The following KRT85 variants were observed in gnomAD, a reference collection of about 807,000 sequenced individuals.
KRT85 encodes the protein keratin 85.
Under a neutral mutation model 53.7 loss-of-function variants are expected in KRT85, and 39 were observed. The observed-to-expected ratio is 0.73, with a 90% CI of 0.56 to 0.95. The LOEUF is 0.95. Among genes scored for constraint, KRT85 ranks in the 40% least tolerant of loss-of-function variants. KRT85 has a pLI of 0.00. For synonymous variants in KRT85, 291 were observed against 277.5 expected (o/e 1.05, Z -0.48); for missense variants, 668 against 686.0 (o/e 0.97, Z 0.29).
At chr12:52,362,780 C>T in intron 6 of KRT85, 74 bp downstream of exon 6, 1 of 1,610,914 alleles carries the variant, frequency 6.2e-7, no homozygotes, top group Non-Finnish European at 8.5e-7. Flanking sequence ...CTCATGGGCA[C>T]ACTGTGAAGC....
chr12:52,362,405 G>A lies in KRT85; in HGVS notation c.1144C>T (p.Arg382Cys), dbSNP rs149188746. 2.3e-5 allele frequency: 37 copies of A among 1,614,046 alleles called. No individual in the cohort carries two copies. The highest frequency in any genetic ancestry group is 2.2e-4 in the South Asian group (20 of 91,076). The part of the protein sequence containing the change: ...QQGEAALSDA[R>C]CKLAELEGAL... ...CCCTCCAGCTCAGCCAGCTTGCAGCGGGCATCGCTGAGGGCCGCCTCACCC... is the reference window on the plus strand; with the variant it reads ...CCCTCCAGCTCAGCCAGCTTGCAGCAGGCATCGCTGAGGGCCGCCTCACCC... The change falls in exon 7 of 9, where the codon CGC becomes TGC. Residue 382 changes from arginine to cysteine, a missense_variant. Transcript: ENST00000257901.
Position 52,365,108 on chromosome 12 carries a change from C to G in KRT85, c.483G>C (p.Gln161His). The G allele has an allele frequency of 6.2e-7, 1 of 1,614,236 alleles. No homozygotes were observed. The highest frequency in any genetic ancestry group is 8.5e-7 in the Non-Finnish European group (1 of 1,180,050). Residue 161 changes from glutamine to histidine, a missense_variant, in exon 2 of 9, where the codon CAG (glutamine) becomes CAC (histidine). Physicochemically the swap from Gln to His is conservative, Grantham distance 24. Transcript: ENST00000257901. Reference sequence around the variant, plus strand: ...GCTCCAGGTTGCTCTCGCAGCAGCGCTGGTTCTGGTAGAACTGCCACTTGG... The same window carrying G: ...GCTCCAGGTTGCTCTCGCAGCAGCGGTGGTTCTGGTAGAACTGCCACTTGG... Reference protein sequence around the residue: ...LETKWQFYQNQRCCESNLEPL... With the variant: ...LETKWQFYQNHRCCESNLEPL...
chr12:52,360,828 A>G lies in KRT85; in HGVS notation c.*25T>C. ...TGATGCAGGCAGGCAGGTGCTTGGC[A>G]GGAAGCCCTGGCTCCATGACTCTAC... is the stretch of plus-strand genomic sequence containing the variant. On this transcript the variant is annotated 3_prime_UTR_variant, in exon 9 of 9. Coordinates refer to ENST00000257901, the MANE Select transcript of KRT85 (RefSeq NM_002283.4). 6.2e-7 allele frequency: 1 copy of G among 1,610,646 alleles called. No homozygotes were observed. Among genetic ancestry groups the G allele is most frequent in the Non-Finnish European group, 8.5e-7 (1 of 1,178,610 alleles).
At position 52,360,991 on chromosome 12, in the gene KRT85, G is replaced by A; in HGVS notation, c.1386C>T (p.Thr462=). ...VSCGGLSYST[T]PGRQITSGPS... is the part of the protein sequence containing the mutation. ...GGCCAGAAGTGATCTGGCGCCCTGG[G>A]GTGGTGCTGTAGGAGAGGCCCCCAC... The change falls in exon 9 of 9, where the codon ACC becomes ACT. Residue 462 remains threonine, a synonymous_variant. Coordinates refer to ENST00000257901, the MANE Select transcript of KRT85 (RefSeq NM_002283.4). 2 of 1,613,690 alleles carry A rather than the reference G, an allele frequency of 1.2e-6. No homozygotes were observed. Among genetic ancestry groups the A allele is most frequent in the Non-Finnish European group, 1.7e-6 (2 of 1,179,898 alleles).
At chr12:52,363,682 G>A (rs1939229177) in intron 4 of KRT85, among the ~76,000 whole-genome samples, 1 of 152,200 alleles carries the variant, frequency 6.6e-6, no homozygotes. Flanking sequence ...ACCCAGCAGG[G>A]GAGCTGGGGT....
Position 52,364,161 on chromosome 12 carries a change from G to A in KRT85, c.693C>T (p.Asp231=), listed in dbSNP as rs759487722. 6.4e-5 allele frequency: 103 copies of A among 1,614,024 alleles called. No individual in the cohort carries two copies. Among genetic ancestry groups the A allele is most frequent in the Non-Finnish European group, 8.5e-5 (100 of 1,180,002 alleles). The change falls in exon 4 of 9, where the codon GAC becomes GAT. Residue 231 remains aspartate, a splice_region_variant and synonymous_variant. Transcript: ENST00000257901. ...AENEFVVLKK[D]VDCAYLRKSD... ...ATTTCCGCAGGTAGGCACAGTCCACGTCCTGGCCGTGGGACAAAGAGGAGG... is the reference window on the plus strand; with the variant it reads ...ATTTCCGCAGGTAGGCACAGTCCACATCCTGGCCGTGGGACAAAGAGGAGG...
intron 1 of KRT85, among the ~76,000 whole-genome samples, chr12:52,366,743 C>A (rs1196129612): frequency 6.6e-6 from 1 of 152,126 alleles, no homozygotes; most frequent in East Asian, 1.9e-4. Flanking sequence ...CACACACACA[C>A]ATGTACACAC....
At chr12:52,362,736 T>C (rs1939211303) in intron 6 of KRT85, 118 bp downstream of exon 6, 1 of 1,507,546 alleles carries the variant, frequency 6.6e-7, no homozygotes. Flanking sequence ...TGAAATATGA[T>C]AGAGCCCCTC....
In KRT85 at chr12:52,365,169, A is replaced by G; in HGVS notation, c.422T>C (p.Val141Ala). Residue 141 changes from valine to alanine, a missense_variant and splice_region_variant, in exon 2 of 9, where the codon GTG becomes GCG. Physicochemically the swap from Val to Ala is moderately conservative, Grantham distance 64 (BLOSUM62 0). Transcript: ENST00000257901. ...NSRFAAFIDK[V>A]RFLEQQNKLL... ...CTTGTTCTGCTGCTCCAGGAAGCGC[A>G]CCTGCCATTCAGGTGGAAAGAAGAA... The G allele has an allele frequency of 5.6e-6, 9 of 1,612,718 alleles. No individual in the cohort carries two copies. The highest frequency in any genetic ancestry group is 7.6e-6 in the Non-Finnish European group (9 of 1,179,790).
intron 6 of KRT85, 98 bp downstream of exon 6, chr12:52,362,756 T>G: frequency 2.5e-6 from 4 of 1,575,998 alleles, no homozygotes; most frequent in Non-Finnish European, 3.5e-6. Context: ...CCCTTCCCTC[T>G]GGGTCCCTGC....
chr12:52,366,194 C>T (rs909583164), intron 1 of KRT85, among the ~76,000 whole-genome samples: 2 of 152,248 alleles, frequency 1.3e-5, no homozygotes, highest in African/African-American at 4.8e-5. Context: ...GGCCACCTCC[C>T]TGTCTGCATT....
intron 1 of KRT85, among the ~76,000 whole-genome samples, chr12:52,365,646 G>A (rs1939260518): frequency 6.6e-6 from 1 of 152,164 alleles, no homozygotes; most frequent in African/African-American, 2.4e-5. Flanking sequence ...AAGGCCTGTG[G>A]TAAGATATAC....
chr12:52,360,839 G>T lies in KRT85; in HGVS notation c.*14C>A, dbSNP rs1447616206. 3 of 1,611,742 alleles carry T rather than the reference G, an allele frequency of 1.9e-6. 1 individual carries two copies. Among genetic ancestry groups the T allele is most frequent in the East Asian group, 2.2e-5 (1 of 44,894 alleles). ...GGCAGGTGCTTGGCAGGAAGCCCTG[G>T]CTCCATGACTCTACTAGGCAAAGCG... On this transcript the variant is annotated 3_prime_UTR_variant, in exon 9 of 9. Transcript: ENST00000257901.
At position 52,364,370 on chromosome 12, in the gene KRT85, G is replaced by T; in HGVS notation, c.630-4C>A. On this transcript the variant is annotated splice_region_variant and splice_polypyrimidine_tract_variant and intron_variant, in intron 2 of 8. Coordinates refer to ENST00000257901, the MANE Select transcript of KRT85 (RefSeq NM_002283.4). ...CAGGGCCACCTCCTCTTCATACCTG[G>T]GTGTGGGAGAGAGAAGGTCTGGAGC... is the stretch of plus-strand genomic sequence containing the variant. The T allele has an allele frequency of 1.2e-6, 2 of 1,614,158 alleles. No homozygotes were observed. Among genetic ancestry groups the T allele is most frequent in the Non-Finnish European group, 1.7e-6 (2 of 1,180,026 alleles).
intron 1 of KRT85, among the ~76,000 whole-genome samples, chr12:52,366,665 TCA>T (rs533820802): frequency 1.0e-3 from 141 of 137,074 alleles, no homozygotes; most frequent in African/African-American, 3.7e-3. Context: ...ACACATATGC[TCA>T]CACACATGTA....
At chr12:52,363,502 G>A (rs1330400088) in intron 4 of KRT85, 92 bp from the exon 5 acceptor site, 2 of 1,409,042 alleles carry the variant, frequency 1.4e-6, no homozygotes, top group Non-Finnish European at 2.0e-6. Flanking sequence ...CCCAGACCGG[G>A]CACTGGTCAT....
In KRT85 at chr12:52,362,896, C is replaced by A; in HGVS notation, c.1035G>T (p.Met345Ile). Reference sequence around the variant, plus strand: ...CAATCTCGGCCGTCAGCCTCTGGATCATGCGGTTCAGCTCGTTGATCTCCT... The same window carrying A: ...CAATCTCGGCCGTCAGCCTCTGGATAATGCGGTTCAGCTCGTTGATCTCCT... ...TKEEINELNR[M>I]IQRLTAEIEN... Residue 345 changes from methionine (M) to isoleucine (I), a missense_variant, in exon 6 of 9, where the codon ATG becomes ATT. Met to Ile is a conservative substitution (Grantham distance 10, BLOSUM62 1). Coordinates refer to ENST00000257901, the MANE Select transcript of KRT85 (RefSeq NM_002283.4). 1 of 1,614,184 alleles carries A rather than the reference C, an allele frequency of 6.2e-7. No homozygotes were observed.
intron 7 of KRT85, 152 bp downstream of exon 7, chr12:52,362,099 G>A (rs953740730): frequency 1.6e-5 from 16 of 1,018,210 alleles, no homozygotes; most frequent in South Asian, 9.6e-5. Flanking sequence ...CACAGGTCTA[G>A]CACAGAAGCA....
intron 1 of KRT85, 29 bp from the exon 2 acceptor site, chr12:52,365,199 G>A: frequency 6.2e-7 from 1 of 1,612,866 alleles, no homozygotes; most frequent in Non-Finnish European, 8.5e-7. Context: ...GAAGAAGTCA[G>A]AGGGAGCCTG....
Sources: gnomAD v4.1 joint callset for allele counts (sites outside exome capture counted in the v4.1 genomes callset) on GRCh38, gnomAD v4.1.1 for gene constraint, MANE v1.5 for transcripts, NCBI Gene and HGNC (gene_info 2026-07-23, HGNC 2026-07-21) for gene names.